The following CD2AP variants were observed in gnomAD, a reference collection of about 807,000 sequenced individuals.
CD2AP encodes the protein CD2 associated protein.
A neutral mutation model predicts 85.1 loss-of-function variants in CD2AP; 46 were observed. The observed-to-expected ratio is 0.54, with a 90% CI of 0.43 to 0.69. The LOEUF (loss-of-function observed/expected upper bound fraction) is 0.69, where lower values mean the gene tolerates loss of function less well. Among genes scored for constraint, CD2AP ranks in the 30% least tolerant of loss-of-function variants. The probability of loss-of-function intolerance (pLI) is 0.00; values close to 1 mark genes in which losing one functional copy is unlikely to be tolerated. For synonymous variants in CD2AP, 255 were observed against 252.9 expected, an observed-to-expected ratio of 1.01 and a Z score of -0.08; for missense variants, 769 against 729.5, an observed-to-expected ratio of 1.05 and a Z score of -0.62.
At chr6:47,613,487 G>A (rs996018725) in intron 17 of CD2AP, among the ~76,000 whole-genome samples, 7 of 150,738 alleles carry the variant, frequency 4.6e-5, no homozygotes, top group East Asian at 1.9e-4. Flanking sequence ...GTCAGTGAGC[G>A]TTCATATTTT....
Position 47,577,075 on chromosome 6 carries a change from A to C in CD2AP, c.875A>C (p.Glu292Ala). 6.5e-7 allele frequency: 1 copy of C among 1,528,950 alleles called. No individual in the cohort carries two copies. Among genetic ancestry groups the C allele is most frequent in the Non-Finnish European group, 9.1e-7 (1 of 1,102,838 alleles). 94.7% of individuals were successfully genotyped at this position (1,528,950 alleles called of 1,614,324 possible). Residue 292 changes from glutamate to alanine, a missense_variant, in exon 8 of 18, where the codon GAG becomes GCG. Glu to Ala is a moderately radical substitution (Grantham distance 107). Transcript: ENST00000359314. ...GTNEDELTFK[E>A]GEIIHLISKE... ...AATGAAGATGAACTTACTTTTAAAGAGGGGGAGATAATCCATTTGATAAGT... is the reference window on the plus strand; with the variant it reads ...AATGAAGATGAACTTACTTTTAAAGCGGGGGAGATAATCCATTTGATAAGT...
At position 47,574,847 on chromosome 6, in the gene CD2AP, T is replaced by G. The variant is rs142338481; in HGVS notation, c.729+596T>G. 9.1e-4 allele frequency among the ~76,000 whole-genome samples: 139 copies of G among 152,240 alleles called. 2 individuals are homozygous for G. The highest frequency in any genetic ancestry group is 2.8e-4 in the Non-Finnish European group (19 of 67,986). On this transcript the variant is annotated intron_variant, in intron 6 of 17. Coordinates refer to ENST00000359314, the MANE Select transcript of CD2AP (RefSeq NM_012120.3). The stretch of plus-strand genomic sequence containing the variant: ...AAAAAGAGGCTTTAAAATAAAACCT[T>G]AAGCTGTTAATTTGGTGGTAAAATA...
chr6:47,530,944 A>T (rs1317143118), intron 2 of CD2AP, among the ~76,000 whole-genome samples: 1 of 152,180 alleles, frequency 6.6e-6, no homozygotes, highest in Non-Finnish European at 1.5e-5. Context: ...CCTTTTTAAC[A>T]TATAACTGAA....
intron 1 of CD2AP, among the ~76,000 whole-genome samples, chr6:47,494,406 G>A (rs990578982): frequency 3.3e-5 from 5 of 152,134 alleles, no homozygotes; most frequent in African/African-American, 9.7e-5. Flanking sequence ...GTGGGAAAGG[G>A]GAAATATACT....
intron 3 of CD2AP, among the ~76,000 whole-genome samples, chr6:47,543,606 G>T (rs146319198): frequency 6.6e-6 from 1 of 152,116 alleles, no homozygotes; most frequent in South Asian, 2.1e-4. Flanking sequence ...TTCTCACTTG[G>T]TCTTTCCTTT....
At position 47,544,643 on chromosome 6, in the gene CD2AP, C is replaced by T. The variant is rs2114045264; in HGVS notation, c.357C>T (p.Tyr119=). Residue 119 remains tyrosine, a synonymous_variant, in exon 4 of 18, where the codon TAC becomes TAT. Coordinates refer to ENST00000359314, the MANE Select transcript of CD2AP (RefSeq NM_012120.3). The part of the protein sequence containing the change: ...KKRQCKVLFE[Y]IPQNEDELEL... ...GTCAGTGTAAAGTTCTTTTTGAGTACATTCCACAAAATGAGGATGAACTGG... is the reference window on the plus strand; with the variant it reads ...GTCAGTGTAAAGTTCTTTTTGAGTATATTCCACAAAATGAGGATGAACTGG... 2 of 1,612,364 alleles carry T rather than the reference C, an allele frequency of 1.2e-6. No individual in the cohort carries two copies.
chr6:47,533,052 A>G (rs1428708132), intron 2 of CD2AP, among the ~76,000 whole-genome samples: 1 of 152,252 alleles, frequency 6.6e-6, no homozygotes, highest in East Asian at 1.9e-4. Flanking sequence ...AAGAATGCTG[A>G]GAATTTTATA....
intron 2 of CD2AP, among the ~76,000 whole-genome samples, chr6:47,508,534 C>CTTTTTTTTTTTTTTTTTTTTT (rs374284567): frequency 1.5e-5 from 2 of 129,406 alleles, no homozygotes; most frequent in Non-Finnish European, 1.6e-5. Context: ...TTCTTTCTTT[C>CTTTTTTTTTTTTTTTTTTTTT]TTTTTTTTTT....
At chr6:47,490,638 G>T (rs1172217659) in intron 1 of CD2AP, among the ~76,000 whole-genome samples, 3 of 152,006 alleles carry the variant, frequency 2.0e-5, no homozygotes, top group African/African-American at 7.2e-5. Flanking sequence ...ATCAGTCTTT[G>T]AGATAAAAAT....
chr6:47,599,799 T>C (rs188512460), intron 13 of CD2AP, among the ~76,000 whole-genome samples: 7 of 152,144 alleles, frequency 4.6e-5, no homozygotes, highest in African/African-American at 1.4e-4. Context: ...ACATAGACTT[T>C]CAGTGCCAGC....
chr6:47,491,688 A>G (rs966997071), intron 1 of CD2AP, among the ~76,000 whole-genome samples: 12 of 152,144 alleles, frequency 7.9e-5, no homozygotes, highest in African/African-American at 2.4e-4. Context: ...CATATTTATT[A>G]AAGCAGACTA....
intron 2 of CD2AP, among the ~76,000 whole-genome samples, chr6:47,532,865 A>G (rs1334593505): frequency 6.6e-6 from 1 of 152,178 alleles, no homozygotes; most frequent in Non-Finnish European, 1.5e-5. Flanking sequence ...CTGAGTTTTC[A>G]GTTACTAAAT....
chr6:47,487,647 G>A (rs1025644308), intron 1 of CD2AP, among the ~76,000 whole-genome samples: 5 of 152,096 alleles, frequency 3.3e-5, no homozygotes, highest in South Asian at 2.1e-4. Context: ...CTGAGATCGC[G>A]CCACTGCACT....
chr6:47,557,093 T>C (rs990381426), intron 5 of CD2AP, among the ~76,000 whole-genome samples: 1 of 152,232 alleles, frequency 6.6e-6, no homozygotes, highest in African/African-American at 2.4e-5. Context: ...GAGCTTTTTT[T>C]CATAGGTTTG....
chr6:47,585,080 T>C (rs1768584870), intron 11 of CD2AP, among the ~76,000 whole-genome samples: 1 of 151,260 alleles, frequency 6.6e-6, no homozygotes, highest in Admixed American at 6.6e-5. Context: ...GATCATGAGG[T>C]CAGGACATTG....
chr6:47,623,947 C>A (rs919866755), intron 17 of CD2AP, among the ~76,000 whole-genome samples: 1 of 152,030 alleles, frequency 6.6e-6, no homozygotes, highest in Non-Finnish European at 1.5e-5. Context: ...CATGACTTAA[C>A]ATTTGTTCTG....
chr6:47,494,470 C>T (rs1765807517), intron 1 of CD2AP, among the ~76,000 whole-genome samples: 1 of 152,092 alleles, frequency 6.6e-6, no homozygotes, highest in South Asian at 2.1e-4. Context: ...TGTCCTGGAG[C>T]TGTGGAGTGG....
At chr6:47,616,444 G>A (rs1332807818) in intron 17 of CD2AP, among the ~76,000 whole-genome samples, 2 of 152,018 alleles carry the variant, frequency 1.3e-5, no homozygotes, top group South Asian at 2.1e-4. Flanking sequence ...TTTGCACTTC[G>A]GTACTAAATT....
chr6:47,602,604 T>C (rs567293626), intron 13 of CD2AP, among the ~76,000 whole-genome samples: 93 of 152,058 alleles, frequency 6.1e-4, no homozygotes, highest in Non-Finnish European at 9.1e-4. Context: ...GGCAATTTCA[T>C]GCCTGTGATC....
Sources: allele counts gnomAD v4.1 joint callset (sites outside exome capture counted in the v4.1 genomes callset), GRCh38; gene constraint gnomAD v4.1.1; transcripts MANE v1.5; gene names NCBI Gene and HGNC (gene_info 2026-07-23, HGNC 2026-07-21).